Variants in AP3D1 observed in about 807,000 individuals in gnomAD.
AP3D1 encodes the protein adaptor related protein complex 3 subunit delta 1.
A neutral mutation model predicts 147.6 loss-of-function variants in AP3D1; 51 were observed. The observed-to-expected ratio is 0.35, with a 90% CI of 0.28 to 0.44. AP3D1 has a LOEUF of 0.44. Ranked by LOEUF, AP3D1 falls within the 20% of genes least tolerant of loss-of-function variation. AP3D1 has a pLI of 1.00. For missense variants in AP3D1, 1,421 were observed against 1,624.2 expected, an observed-to-expected ratio of 0.87 and a Z score of 2.15; for synonymous variants, 760 against 663.0, an observed-to-expected ratio of 1.15 and a Z score of -2.25.
At chr19:2,157,366 C>T (rs1291942954) in intron 1 of AP3D1, among the ~76,000 whole-genome samples, 7 of 140,612 alleles carry the variant, frequency 5.0e-5, no homozygotes, top group Non-Finnish European at 7.5e-5. Context: ...GGCGTGAACC[C>T]GGGAGGCAGA....
chr19:2,134,861 A>G lies in AP3D1; in HGVS notation c.354+2150T>C, dbSNP rs1232669151. 4.6e-5 allele frequency among the ~76,000 whole-genome samples: 7 copies of G among 150,874 alleles called. No individual in the cohort carries two copies. In the East Asian group the frequency reaches 1.4e-3, roughly 31 times the overall value. On this transcript the variant is annotated intron_variant, in intron 4 of 31. Coordinates refer to ENST00000643116, the MANE Select transcript of AP3D1 (RefSeq NM_001261826.3). ...GAAGATCCACCCGCCTCAGCTTCCC[A>G]AAATGCTGGGATTACAGGCATGAGC...
At chr19:2,123,985 G>C in intron 9 of AP3D1, 106 bp from the exon 10 acceptor site, 2 of 1,267,894 alleles carry the variant, frequency 1.6e-6, no homozygotes, top group South Asian at 2.6e-5. Context: ...GGAGGGATGG[G>C]AGGGAGGACA....
At chr19:2,148,259 C>T (rs930000397) in intron 1 of AP3D1, among the ~76,000 whole-genome samples, 51 of 152,118 alleles carry the variant, frequency 3.4e-4, no homozygotes, top group African/African-American at 1.1e-3. Flanking sequence ...CCAATTCTAT[C>T]GAGCTTTAGA....
At chr19:2,141,390 G>A (rs1305190494) in intron 1 of AP3D1, among the ~76,000 whole-genome samples, 1 of 150,786 alleles carries the variant, frequency 6.6e-6, no homozygotes, top group African/African-American at 2.4e-5. Context: ...ACTGCAGTAA[G>A]ACAGGCCATT....
chr19:2,153,871 T>C (rs145227491), upstream of AP3D1, among the ~76,000 whole-genome samples: 90 of 151,938 alleles, frequency 5.9e-4, 1 homozygote, highest in African/African-American at 2.0e-3. Context: ...GATAGAGTCT[T>C]GCTCTGTAGC....
chr19:2,123,905 C>G (rs1357856357), intron 9 of AP3D1, 26 bp from the exon 10 acceptor site: 1 of 1,562,826 alleles, frequency 6.4e-7, no homozygotes, highest in Non-Finnish European at 8.7e-7. Context: ...TGGTCAGCAC[C>G]ACGGTCAGCA....
chr19:2,144,504 G>A (rs1356719193), intron 1 of AP3D1, among the ~76,000 whole-genome samples: 2 of 152,084 alleles, frequency 1.3e-5, no homozygotes, highest in Admixed American at 6.6e-5. Flanking sequence ...ACCAGACCCC[G>A]GCCAGCCCTG....
chr19:2,145,021 A>G (rs2019320728), intron 1 of AP3D1, among the ~76,000 whole-genome samples: 2 of 152,322 alleles, frequency 1.3e-5, no homozygotes, highest in South Asian at 4.1e-4. Flanking sequence ...GTGCTGAATC[A>G]CTGCACGTTT....
At chr19:2,128,146 G>C (rs1173124466) in intron 8 of AP3D1, among the ~76,000 whole-genome samples, 1 of 152,126 alleles carries the variant, frequency 6.6e-6, no homozygotes, top group Non-Finnish European at 1.5e-5. Context: ...GGGCCGGGGA[G>C]GGGTCCTGGC....
At position 2,151,301 on chromosome 19, in the gene AP3D1, G is replaced by T; in HGVS notation, c.34C>A (p.Arg12Ser). 1 of 1,611,614 alleles carries T rather than the reference G, an allele frequency of 6.2e-7. No individual in the cohort carries two copies. Among genetic ancestry groups the T allele is most frequent in the Non-Finnish European group, 8.5e-7 (1 of 1,178,746 alleles). Reference protein sequence around the residue: ...ALKMVKGSIDRMFDKNLQDLV... With the variant: ...ALKMVKGSIDSMFDKNLQDLV... Reference sequence around the variant, plus strand: ...TCCTGCAGATTCTTGTCGAACATGCGGTCGATGCTGCCCTTCACCATCTTG... The same window carrying T: ...TCCTGCAGATTCTTGTCGAACATGCTGTCGATGCTGCCCTTCACCATCTTG... The change falls in exon 1 of 32, where the codon CGC becomes AGC. Residue 12 changes from arginine (R) to serine (S), a missense_variant. Physicochemically the swap from Arg to Ser is moderately radical, Grantham distance 110. Transcript: ENST00000643116.
At chr19:2,125,155 C>A (rs565996872) in intron 9 of AP3D1, among the ~76,000 whole-genome samples, 7 of 152,010 alleles carry the variant, frequency 4.6e-5, no homozygotes, top group African/African-American at 1.7e-4. Flanking sequence ...TTTTTTAATA[C>A]AAAAAATACA....
chr19:2,135,689 G>A (rs548035009), intron 4 of AP3D1, among the ~76,000 whole-genome samples: 3 of 152,124 alleles, frequency 2.0e-5, no homozygotes, highest in Non-Finnish European at 2.9e-5. Context: ...TCAGAGCCGC[G>A]CCCGACACAC....
chr19:2,125,220 G>T (rs537622355), intron 9 of AP3D1, among the ~76,000 whole-genome samples: 18 of 152,242 alleles, frequency 1.2e-4, no homozygotes, highest in African/African-American at 4.3e-4. Context: ...ATGTAAATAC[G>T]AACGAAGAAA....
intron 31 of AP3D1, among the ~76,000 whole-genome samples, chr19:2,103,219 T>C (rs2018008582): frequency 3.5e-5 from 5 of 142,272 alleles, no homozygotes; most frequent in Admixed American, 3.4e-4. Context: ...TTGCTAATTA[T>C]TAAAAAAAAA....
chr19:2,143,461 C>T (rs886616676), intron 1 of AP3D1, among the ~76,000 whole-genome samples: 1 of 151,192 alleles, frequency 6.6e-6, no homozygotes, highest in Admixed American at 6.6e-5. Flanking sequence ...AGGATGGTCT[C>T]GATCTCCTGA....
chr19:2,140,340 AG>A (rs745310510), intron 1 of AP3D1, among the ~76,000 whole-genome samples: 32 of 152,146 alleles, frequency 2.1e-4, no homozygotes, highest in Non-Finnish European at 3.8e-4. Flanking sequence ...GATGGAAAAC[AG>A]GTGTCCAAAC....
At chr19:2,144,175 A>T (rs1281717000) in intron 1 of AP3D1, among the ~76,000 whole-genome samples, 1 of 152,194 alleles carries the variant, frequency 6.6e-6, no homozygotes, top group East Asian at 1.9e-4. Context: ...TGCCCAGGAT[A>T]AGTTACTATC....
intron 15 of AP3D1, 78 bp downstream of exon 15, chr19:2,118,523 G>C: frequency 7.3e-7 from 1 of 1,373,978 alleles, no homozygotes; most frequent in Non-Finnish European, 9.9e-7. Flanking sequence ...GCGAGGCCCC[G>C]TCGACCTGGC....
chr19:2,118,950 T>C (rs1387251785), intron 14 of AP3D1, 118 bp from the exon 15 acceptor site: 6 of 919,160 alleles, frequency 6.5e-6, no homozygotes, highest in South Asian at 1.7e-5. Context: ...GCCCTTCCCA[T>C]TCCCTGAGCG....
Sources: allele counts gnomAD v4.1 joint callset (sites outside exome capture counted in the v4.1 genomes callset), GRCh38; gene constraint gnomAD v4.1.1; transcripts MANE v1.5; gene names NCBI Gene and HGNC (gene_info 2026-07-23, HGNC 2026-07-21).